Variants in HSD17B13 observed in about 807,000 individuals in gnomAD.
The protein encoded by HSD17B13 is hydroxysteroid 17-beta dehydrogenase 13, also known as 17-beta-hydroxysteroid dehydrogenase 13.
HSD17B13 carries 26 observed loss-of-function variants against 31.1 expected under a neutral mutation model. The observed-to-expected ratio is 0.84, with a 90% CI of 0.61 to 1.16. HSD17B13 has a LOEUF of 1.16. Ranked by LOEUF, HSD17B13 falls within the 50% of genes most tolerant of loss-of-function variation. The probability of loss-of-function intolerance (pLI) is 0.00; values close to 1 mark genes in which losing one functional copy is unlikely to be tolerated. For synonymous variants in HSD17B13, 141 were observed against 133.7 expected, an observed-to-expected ratio of 1.05 and a Z score of -0.38; for missense variants, 374 against 366.5, an observed-to-expected ratio of 1.02 and a Z score of -0.17.
chr4:87,319,203 T>C (rs556229865), intron 1 of HSD17B13, among the ~76,000 whole-genome samples: 1 of 152,098 alleles, frequency 6.6e-6, no homozygotes, highest in Non-Finnish European at 1.5e-5. Flanking sequence ...AAAATTGGCC[T>C]CCTTATTTGT....
intron 1 of HSD17B13, 90 bp from the exon 2 acceptor site, chr4:87,318,526 G>GTGAGCCAC: frequency 2.8e-6 from 3 of 1,061,138 alleles, no homozygotes; most frequent in South Asian, 1.3e-5. Context: ...TCGGCTAGGC[G>GTGAGCCAC]CGGTGGCTCA....
At chr4:87,319,280 T>A (rs1734727382) in intron 1 of HSD17B13, among the ~76,000 whole-genome samples, 1 of 151,738 alleles carries the variant, frequency 6.6e-6, no homozygotes, top group Non-Finnish European at 1.5e-5. Context: ...TGCCAGGGAA[T>A]GCTCATATTA....
chr4:87,316,015 T>G (rs1734642472), intron 3 of HSD17B13, among the ~76,000 whole-genome samples: 1 of 151,524 alleles, frequency 6.6e-6, no homozygotes, highest in African/African-American at 2.4e-5. Flanking sequence ...ATTAAGACAG[T>G]TGAGTAGTGT....
At chr4:87,310,604 T>C (rs987608801) in intron 5 of HSD17B13, among the ~76,000 whole-genome samples, 1 of 152,110 alleles carries the variant, frequency 6.6e-6, no homozygotes, top group Non-Finnish European at 1.5e-5. Context: ...AGTCAAAATA[T>C]CAAAATGGTG....
chr4:87,322,493 A>G (rs1051474923), intron 1 of HSD17B13, 139 bp downstream of exon 1: 12 of 660,220 alleles, frequency 1.8e-5, no homozygotes, highest in African/African-American at 1.6e-4. Flanking sequence ...AACCTGACAC[A>G]TATACAGACT....
intron 4 of HSD17B13, 42 bp from the exon 5 acceptor site, chr4:87,314,002 A>G (rs1734593485): frequency 7.0e-7 from 1 of 1,432,506 alleles, no homozygotes; most frequent in Non-Finnish European, 9.2e-7. Context: ...AGGGAGAGTG[A>G]AACCAATCCT....
At chr4:87,305,740 T>G (rs1312901166) in intron 6 of HSD17B13, among the ~76,000 whole-genome samples, 5 of 152,130 alleles carry the variant, frequency 3.3e-5, no homozygotes, top group African/African-American at 1.2e-4. Context: ...AATTATTGCC[T>G]AAACAAACAC....
intron 6 of HSD17B13, among the ~76,000 whole-genome samples, 186 bp downstream of exon 6, chr4:87,310,057 T>TG (rs1466099262): frequency 6.6e-6 from 1 of 151,788 alleles, no homozygotes; most frequent in African/African-American, 2.4e-5. Flanking sequence ...CCCAGTTACT[T>TG]GGGGGTCTGA....
intron 6 of HSD17B13, 42 bp downstream of exon 6, chr4:87,310,201 C>T: frequency 6.9e-7 from 1 of 1,459,688 alleles, no homozygotes; most frequent in Non-Finnish European, 9.1e-7. Context: ...AAAAAAAGCT[C>T]TATTGGTGTT....
At chr4:87,320,409 CG>C (rs1734756676) in intron 1 of HSD17B13, among the ~76,000 whole-genome samples, 1 of 99,084 alleles carries the variant, frequency 1.0e-5, no homozygotes, top group South Asian at 3.7e-4. Flanking sequence ...TTTTTTGAGA[CG>C]GAGTCTCGCT....
intron 1 of HSD17B13, among the ~76,000 whole-genome samples, chr4:87,319,440 TC>T (rs900954393): frequency 6.6e-6 from 1 of 152,244 alleles, no homozygotes; most frequent in Admixed American, 6.5e-5. Context: ...CTTCGTGGTG[TC>T]ATGGAAGATG....
chr4:87,309,642 C>A (rs1240643797), intron 6 of HSD17B13, among the ~76,000 whole-genome samples: 2 of 152,094 alleles, frequency 1.3e-5, no homozygotes, highest in African/African-American at 4.8e-5. Context: ...AAAATGGAGT[C>A]TTTATTATTA....
chr4:87,308,557 T>C (rs1013093308), intron 6 of HSD17B13, among the ~76,000 whole-genome samples: 5 of 130,640 alleles, frequency 3.8e-5, no homozygotes, highest in Admixed American at 2.7e-4. Context: ...TGCAGGCGCC[T>C]GTAGTCCCAG....
At chr4:87,308,485 TAAAAAAAAAAAAAA>T (rs893354684) in intron 6 of HSD17B13, among the ~76,000 whole-genome samples, 50 of 33,210 alleles carry the variant, frequency 1.5e-3, no homozygotes, top group African/African-American at 2.7e-3. Context: ...CCGTCTCTAC[TAAAAAAAAAAAAAA>T]AAAAAAAAAA....
At position 87,305,078 on chromosome 4, in the gene HSD17B13, T is replaced by TC. The variant is rs1734357280; in HGVS notation, c.*139_*140insG. 2.2e-6 allele frequency: 1 copy of TC among 453,256 alleles called. No homozygotes were observed. Among genetic ancestry groups the TC allele is most frequent in the Non-Finnish European group, 3.8e-6 (1 of 263,032 alleles). The allele number at this position is 453,256 out of a possible 1,614,324, so 28.1% of individuals were successfully genotyped here. ...ACAGGAAGACAGGTAATTAATCTTG[T>TC]TCGTTTGACTGCTGCTAGTGCCAAA... On this transcript the variant is annotated 3_prime_UTR_variant, in exon 7 of 7. Coordinates refer to ENST00000328546, the MANE Select transcript of HSD17B13 (RefSeq NM_178135.5).
intron 1 of HSD17B13, among the ~76,000 whole-genome samples, chr4:87,319,714 T>C (rs910066616): frequency 6.6e-6 from 1 of 152,196 alleles, no homozygotes; most frequent in African/African-American, 2.4e-5. Flanking sequence ...ATTCTTCAGG[T>C]GTTTGGGAGT....
Position 87,317,239 on chromosome 4 carries a change from G to A in HSD17B13, c.319-16C>T, listed in dbSNP as rs371923490. On this transcript the variant is annotated splice_polypyrimidine_tract_variant and intron_variant, in intron 2 of 6. Transcript: ENST00000328546. ...CTTTCTTCACCTTTTGAAATTGAAA[G>A]AACACTTTCACTGGGTGTATTATTC... 78 of 1,613,478 alleles carry A rather than the reference G, an allele frequency of 4.8e-5. No individual in the cohort carries two copies. Among genetic ancestry groups the A allele is most frequent in the Non-Finnish European group, 5.8e-5 (68 of 1,179,600 alleles).
At position 87,305,333 on chromosome 4, in the gene HSD17B13, GA is replaced by G. The variant is rs1015702422; in HGVS notation, c.813-26del. ...CCTGTACAAAAAAGAAAAAAAAATT[GA>G]AAAATTTTCCATTTAAAATCTTTGA... On this transcript the variant is annotated intron_variant, in intron 6 of 6. Transcript: ENST00000328546. 2.0e-6 allele frequency: 3 copies of G among 1,479,022 alleles called. No homozygotes were observed. In the African/African-American group the frequency reaches 4.3e-5, roughly 21 times the overall value. The allele number at this position is 1,479,022 out of a possible 1,614,324, so 91.6% of individuals were successfully genotyped here. A position where few individuals can be genotyped will look rare whatever the true frequency, so the allele number is the denominator to read the frequency against.
At chr4:87,314,604 T>C (rs1008062771) in intron 4 of HSD17B13, among the ~76,000 whole-genome samples, 1 of 151,640 alleles carries the variant, frequency 6.6e-6, no homozygotes, top group Non-Finnish European at 1.5e-5. Flanking sequence ...CTGCAACTTT[T>C]AGTCAGGTAG....
Sources: allele counts gnomAD v4.1 joint callset (sites outside exome capture counted in the v4.1 genomes callset), GRCh38; gene constraint gnomAD v4.1.1; transcripts MANE v1.5; gene names NCBI Gene and HGNC (gene_info 2026-07-23, HGNC 2026-07-21).